SUPT3H: variants seen among roughly 807,000 people sequenced by gnomAD.
The protein encoded by SUPT3H is SPT3 homolog, SAGA and STAGA complex component, also known as transcription initiation protein SPT3 homolog.
SUPT3H carries 44 observed loss-of-function variants against 44.3 expected under a neutral mutation model. The observed-to-expected ratio is 0.99, with a 90% CI of 0.78 to 1.28. The LOEUF is 1.28. Ranked by LOEUF, SUPT3H falls within the 50% of genes most tolerant of loss-of-function variation. SUPT3H has a pLI of 0.00. For synonymous variants in SUPT3H, 124 were observed against 125.6 expected (o/e 0.99, Z 0.09); for missense variants, 380 against 387.1 (o/e 0.98, Z 0.15).
rs182916594 is a variant in SUPT3H, at chr6:44,950,291, T to C, written c.801+3019A>G. On this transcript the variant is annotated intron_variant, in intron 9 of 10. Coordinates refer to ENST00000371459, the MANE Select transcript of SUPT3H (RefSeq NM_003599.4). Reference sequence around the variant, plus strand: ...GTCCATTCTATAGGATGATGCCCAATACTAAAAAAATTCCTTATCAGTCAC... The same window carrying C: ...GTCCATTCTATAGGATGATGCCCAACACTAAAAAAATTCCTTATCAGTCAC... Among the ~76,000 whole-genome samples, 3 of 152,288 alleles carry C rather than the reference T, an allele frequency of 2.0e-5. No homozygotes were observed. The East Asian group carries it at 5.8e-4, about 29-fold the overall frequency.
intron 2 of SUPT3H, among the ~76,000 whole-genome samples, chr6:45,347,809 T>C (rs575364514): frequency 2.6e-5 from 4 of 152,218 alleles, no homozygotes; most frequent in South Asian, 2.1e-4. Context: ...TGTTTGTCTA[T>C]TTATCAGAGA....
At position 45,080,654 on chromosome 6, in the gene SUPT3H, A is replaced by C. The variant is rs1247938263; in HGVS notation, c.186+25268T>G. 3.9e-5 allele frequency among the ~76,000 whole-genome samples: 6 copies of C among 152,250 alleles called. No homozygotes were observed. In the East Asian group the frequency reaches 1.2e-3, roughly 29 times the overall value. ...ACATAGATGGAACTGGAGGTCATTA[A>C]GTGAAATAAGCCAGGCACACAAAAA... is the stretch of plus-strand genomic sequence containing the variant. On this transcript the variant is annotated intron_variant, in intron 3 of 10. Coordinates refer to ENST00000371459, the MANE Select transcript of SUPT3H (RefSeq NM_003599.4).
intron 6 of SUPT3H, among the ~76,000 whole-genome samples, chr6:44,980,444 G>T (rs1778943118): frequency 6.6e-6 from 1 of 152,158 alleles, no homozygotes; most frequent in South Asian, 2.1e-4. Context: ...AGGGCTTATT[G>T]TACTAAGGAT....
intron 2 of SUPT3H, among the ~76,000 whole-genome samples, chr6:45,248,605 G>C (rs1259675226): frequency 1.3e-5 from 2 of 152,134 alleles, no homozygotes; most frequent in African/African-American, 2.4e-5. Context: ...AAGTGCCAAA[G>C]AGGATGTGGA....
At chr6:44,983,991 G>T (rs1406355995) in intron 6 of SUPT3H, among the ~76,000 whole-genome samples, 1 of 152,128 alleles carries the variant, frequency 6.6e-6, no homozygotes, top group African/African-American at 2.4e-5. Context: ...ACAGTCTCAA[G>T]ATCAACCTAG....
chr6:44,878,933 A>G (rs142277910), intron 10 of SUPT3H, among the ~76,000 whole-genome samples: 10 of 152,202 alleles, frequency 6.6e-5, no homozygotes, highest in African/African-American at 2.4e-4. Flanking sequence ...CAACCCTCAG[A>G]CCAAGAGATT....
At chr6:44,984,004 T>C (rs1178430110) in intron 6 of SUPT3H, among the ~76,000 whole-genome samples, 1 of 152,200 alleles carries the variant, frequency 6.6e-6, no homozygotes, top group African/African-American at 2.4e-5. Context: ...CAACCTAGCA[T>C]ATATATGGCA....
At chr6:44,841,140 C>T (rs1159476914) in intron 10 of SUPT3H, among the ~76,000 whole-genome samples, 1 of 152,158 alleles carries the variant, frequency 6.6e-6, no homozygotes, top group Non-Finnish European at 1.5e-5. Context: ...CCAATAAAAC[C>T]TCTTTTCTTT....
At chr6:45,208,461 C>T (rs1763549361) in intron 2 of SUPT3H, among the ~76,000 whole-genome samples, 1 of 152,184 alleles carries the variant, frequency 6.6e-6, no homozygotes, top group Admixed American at 6.5e-5. Flanking sequence ...GCGTGATGCC[C>T]ATGCCTGTAA....
At chr6:45,089,404 G>A (rs969939958) in intron 3 of SUPT3H, among the ~76,000 whole-genome samples, 8 of 151,932 alleles carry the variant, frequency 5.3e-5, no homozygotes, top group Non-Finnish European at 1.2e-4. Context: ...CATTTCACTT[G>A]TAACCAGGCC....
chr6:45,163,517 T>C (rs887081324), intron 2 of SUPT3H, among the ~76,000 whole-genome samples: 5 of 152,186 alleles, frequency 3.3e-5, no homozygotes, highest in Non-Finnish European at 7.3e-5. Flanking sequence ...CTATGTCAAT[T>C]GGAAATCATT....
intron 6 of SUPT3H, among the ~76,000 whole-genome samples, chr6:44,998,496 A>G (rs1361508156): frequency 6.6e-6 from 1 of 151,882 alleles, no homozygotes; most frequent in African/African-American, 2.4e-5. Flanking sequence ...GCCTTTTTAA[A>G]TGGCAAAATG....
At chr6:45,192,862 A>G (rs1815371364) in intron 2 of SUPT3H, among the ~76,000 whole-genome samples, 1 of 152,210 alleles carries the variant, frequency 6.6e-6, no homozygotes, top group Admixed American at 6.5e-5. Context: ...AGACACAAAA[A>G]TAATAACTCT....
intron 10 of SUPT3H, among the ~76,000 whole-genome samples, chr6:44,907,248 G>A (rs1024503799): frequency 1.2e-4 from 18 of 152,026 alleles, no homozygotes; most frequent in Admixed American, 9.8e-4. Flanking sequence ...CCTCCTTTAC[G>A]GGGGAATAAT....
intron 3 of SUPT3H, among the ~76,000 whole-genome samples, chr6:45,085,226 T>G (rs749867254): frequency 2.0e-5 from 3 of 152,152 alleles, no homozygotes; most frequent in Non-Finnish European, 4.4e-5. Context: ...ATTTGAAATT[T>G]TTTCTGTCCT....
intron 2 of SUPT3H, among the ~76,000 whole-genome samples, chr6:45,360,883 G>A (rs559262308): frequency 3.9e-5 from 6 of 152,144 alleles, no homozygotes; most frequent in East Asian, 1.9e-4. Context: ...GGAATTTTTC[G>A]CATCCTATTG....
intron 2 of SUPT3H, among the ~76,000 whole-genome samples, chr6:45,187,083 G>A (rs1814337634): frequency 7.6e-6 from 1 of 132,224 alleles, no homozygotes; most frequent in Admixed American, 8.2e-5. Context: ...GGGCAACATG[G>A]TGATACTTTT....
intron 10 of SUPT3H, among the ~76,000 whole-genome samples, chr6:44,908,154 C>CTTT (rs70993481): frequency 2.2e-5 from 3 of 136,958 alleles, no homozygotes; most frequent in East Asian, 2.2e-4. Flanking sequence ...TTTTTCTTTT[C>CTTT]TTTTTTTTTT....
intron 3 of SUPT3H, among the ~76,000 whole-genome samples, chr6:45,029,042 A>T (rs1462271517): frequency 3.3e-5 from 5 of 151,980 alleles, no homozygotes; most frequent in Admixed American, 6.6e-5. Flanking sequence ...TAAAGTTAAC[A>T]TTCAGAATAC....
Sources: gnomAD v4.1 joint callset for allele counts (sites outside exome capture counted in the v4.1 genomes callset) on GRCh38, gnomAD v4.1.1 for gene constraint, MANE v1.5 for transcripts, NCBI Gene and HGNC (gene_info 2026-07-23, HGNC 2026-07-21) for gene names.